Variants in PTPRU observed in about 807,000 individuals in gnomAD.
PTPRU encodes the protein protein tyrosine phosphatase receptor type U, also known as receptor-type tyrosine-protein phosphatase U.
Under a neutral mutation model 166.3 loss-of-function variants are expected in PTPRU, and 69 were observed. That is an observed-to-expected ratio of 0.41 (90% CI 0.34 to 0.51). The LOEUF is 0.51. PTPRU is among the 20% of genes least tolerant of loss of function. The pLI is 0.09. For synonymous variants in PTPRU, 793 were observed against 814.0 expected (o/e 0.97, Z 0.44); for missense variants, 1,657 against 2,013.7 (o/e 0.82, Z 3.39).
At position 29,305,409 on chromosome 1, in the gene PTPRU, T is replaced by A. The variant is rs768435626; in HGVS notation, c.2801T>A (p.Ile934Asn). 15 of 1,613,892 alleles carry A rather than the reference T, an allele frequency of 9.3e-6. No homozygotes were observed. In the East Asian group the frequency reaches 2.5e-4, roughly 26 times the overall value. Reference protein sequence around the residue: ...PMLGDPNADYINANYIDGYHR... With the variant: ...PMLGDPNADYNNANYIDGYHR... ...CTGGGAGACCCCAATGCCGACTACA[T>A]TAATGCCAACTACATAGATGTGAGT... The change falls in exon 18 of 30, where the codon ATT (isoleucine) becomes AAT (asparagine). Residue 934 changes from isoleucine to asparagine, a missense_variant. Ile to Asn is a moderately radical substitution (Grantham distance 149). Transcript: ENST00000373779.
rs1245853977 is a variant in PTPRU at position 29,259,528 on chromosome 1, G to T, written c.639G>T (p.Ala213=). Residue 213 remains alanine, a synonymous_variant, in exon 5 of 30, where the codon GCG becomes GCT. Coordinates refer to ENST00000373779, the MANE Select transcript of PTPRU (RefSeq NM_133178.4). ...GQNASFQCMA[A]GRAAEAERFL... is the part of the protein sequence containing the mutation. ...ACGCGTCGTTCCAGTGCATGGCCGC[G>T]GGCAGAGCGGCCGAGGCCGAACGCT... 6.2e-7 allele frequency: 1 copy of T among 1,608,886 alleles called. No homozygotes were observed. Among genetic ancestry groups the T allele is most frequent in the East Asian group, 2.2e-5 (1 of 44,696 alleles).
rs768549361 is a variant in PTPRU, at chr1:29,259,256, C to T, written c.478-5C>T. On this transcript the variant is annotated splice_polypyrimidine_tract_variant and splice_region_variant and intron_variant, in intron 3 of 29. Coordinates refer to ENST00000373779, the MANE Select transcript of PTPRU (RefSeq NM_133178.4). ...GTATGATAGGGGCCCTCCCGCCTCCCCCAGGTGCTGTTTGAGGCCCTCATC... is the reference window on the plus strand; with the variant it reads ...GTATGATAGGGGCCCTCCCGCCTCCTCCAGGTGCTGTTTGAGGCCCTCATC... 6.2e-7 allele frequency: 1 copy of T among 1,612,808 alleles called. No homozygotes were observed. The highest frequency in any genetic ancestry group is 1.1e-5 in the South Asian group (1 of 91,000).
chr1:29,262,461 C>G (rs1685111980), intron 7 of PTPRU, among the ~76,000 whole-genome samples: 1 of 152,098 alleles, frequency 6.6e-6, no homozygotes, highest in South Asian at 2.1e-4. Flanking sequence ...GAGTACAATA[C>G]AATAAGATAT....
chr1:29,299,479 A>G lies in PTPRU; in HGVS notation c.2477-4376A>G, dbSNP rs1015014108. ...ATTGGAGGGTCCTTTTGGGAACATC[A>G]TCATCCCTTCCTTTCCTGGTGGTCT... On this transcript the variant is annotated intron_variant, in intron 15 of 29. Coordinates refer to ENST00000373779, the MANE Select transcript of PTPRU (RefSeq NM_133178.4). Among the ~76,000 whole-genome samples, 23 of 152,210 alleles carry G rather than the reference A, an allele frequency of 1.5e-4. 1 individual carries two copies. The highest frequency in any genetic ancestry group is 2.9e-5 in the Non-Finnish European group (2 of 68,034).
At position 29,258,738 on chromosome 1, in the gene PTPRU, G is replaced by A. The variant is rs1273106178; in HGVS notation, c.439G>A (p.Glu147Lys). ...GSHGRQWHQA[E>K]LAVSTFWPNE... ...CCACGGCCGTCAGTGGCACCAGGCT[G>A]AGCTGGCTGTCAGCACTTTCTGGCC... The change falls in exon 3 of 30, where the codon GAG becomes AAG. Residue 147 changes from glutamate (E) to lysine (K), a missense_variant. By Grantham distance (56) the Glu-to-Lys change is moderately conservative (BLOSUM62 1). Coordinates refer to ENST00000373779, the MANE Select transcript of PTPRU (RefSeq NM_133178.4). 1 of 1,601,008 alleles carries A rather than the reference G, an allele frequency of 6.2e-7. No homozygotes were observed. Among genetic ancestry groups the A allele is most frequent in the Non-Finnish European group, 8.5e-7 (1 of 1,172,580 alleles).
In PTPRU at chr1:29,282,478, C is replaced by T. The variant is rs145264284; in HGVS notation, c.1869-198C>T. 2.0e-3 allele frequency among the ~76,000 whole-genome samples: 298 copies of T among 152,298 alleles called. 2 individuals are homozygous for T. Among genetic ancestry groups the T allele is most frequent in the Middle Eastern group, 6.8e-3 (2 of 294 alleles). On this transcript the variant is annotated intron_variant, in intron 11 of 29. Transcript: ENST00000373779. ...TCTTCCCATCTATCTTCTGAACAGT[C>T]TTGCAATTACTCCCATTTTATGGAG...
At chr1:29,314,838 C>T (rs919897270) in intron 22 of PTPRU, among the ~76,000 whole-genome samples, 3 of 152,282 alleles carry the variant, frequency 2.0e-5, no homozygotes, top group Non-Finnish European at 2.9e-5. Context: ...TTCGGCCTCC[C>T]AGAGTGCTGG....
intron 15 of PTPRU, 54 bp downstream of exon 15, chr1:29,292,080 A>T: frequency 6.3e-7 from 1 of 1,598,900 alleles, no homozygotes. Flanking sequence ...TCCCAACCTG[A>T]GACAATAGGG....
chr1:29,277,803 C>CTTGTTTTTTTTT (rs1685875230), intron 8 of PTPRU, among the ~76,000 whole-genome samples: 1 of 50,564 alleles, frequency 2.0e-5, no homozygotes, highest in Non-Finnish European at 3.3e-5. Flanking sequence ...AGTTGTCATT[C>CTTGTTTTTTTTT]TTTTTTTTTT....
At chr1:29,305,256 C>A in intron 17 of PTPRU, 96 bp from the exon 18 acceptor site, 1 of 1,220,332 alleles carries the variant, frequency 8.2e-7, no homozygotes, top group Non-Finnish European at 1.2e-6. Flanking sequence ...GGCTGCCCTG[C>A]CTGTGCCCTA....
At chr1:29,293,666 G>C (rs530290177) in intron 15 of PTPRU, among the ~76,000 whole-genome samples, 49 of 150,898 alleles carry the variant, frequency 3.2e-4, no homozygotes, top group Non-Finnish European at 6.3e-4. Flanking sequence ...AATAGAGACG[G>C]GATTTCACCG....
intron 1 of PTPRU, among the ~76,000 whole-genome samples, chr1:29,252,906 C>T (rs1180528154): frequency 6.6e-6 from 1 of 152,212 alleles, no homozygotes; most frequent in African/African-American, 2.4e-5. Flanking sequence ...TCAGTTCTAG[C>T]ACAAGAGTCA....
chr1:29,313,041 C>T (rs962173621), intron 22 of PTPRU, among the ~76,000 whole-genome samples: 6 of 152,178 alleles, frequency 3.9e-5, no homozygotes, highest in Admixed American at 2.0e-4. Flanking sequence ...GCACACCTGC[C>T]GCGTGCTAGG....
intron 2 of PTPRU, 73 bp from the exon 3 acceptor site, chr1:29,258,432 T>C: frequency 6.6e-7 from 1 of 1,513,886 alleles, no homozygotes; most frequent in Non-Finnish European, 9.0e-7. Context: ...TCCTCCTCAG[T>C]GCTCCCCTTG....
At chr1:29,321,196 A>ATTT (rs71025210) in intron 26 of PTPRU, among the ~76,000 whole-genome samples, 2 of 100,396 alleles carry the variant, frequency 2.0e-5, no homozygotes, top group African/African-American at 3.9e-5. Flanking sequence ...CAGCTGTCTG[A>ATTT]TTTTTTTTTT....
Position 29,284,720 on chromosome 1 carries a change from G to A in PTPRU, c.2180-11G>A. On this transcript the variant is annotated splice_polypyrimidine_tract_variant and intron_variant, in intron 13 of 29. Coordinates refer to ENST00000373779, the MANE Select transcript of PTPRU (RefSeq NM_133178.4). The stretch of plus-strand genomic sequence containing the variant: ...TTCCTCTGATCCCTTGTTCTGCTTT[G>A]TTCTCCCCAGCTGCCTGCAAGGAAA... 3 of 1,614,032 alleles carry A rather than the reference G, an allele frequency of 1.9e-6. No homozygotes were observed. In the South Asian group the frequency reaches 3.3e-5, roughly 18 times the overall value.
chr1:29,293,227 C>T (rs577013103), intron 15 of PTPRU, among the ~76,000 whole-genome samples: 2 of 152,324 alleles, frequency 1.3e-5, no homozygotes, highest in African/African-American at 4.8e-5. Flanking sequence ...ATCCACCCAC[C>T]TTGGCCTCCC....
rs1242934034 is a variant in PTPRU at position 29,238,897 on chromosome 1, T to C, written c.73+2180T>C. The stretch of plus-strand genomic sequence containing the variant: ...GGCCTAGAGCAGGTTACTCCCATTC[T>C]TGATGCCTCAGTTTCCTCTTCTGCC... On this transcript the variant is annotated intron_variant, in intron 1 of 29. Coordinates refer to ENST00000373779, the MANE Select transcript of PTPRU (RefSeq NM_133178.4). The surrounding 1 kb of genome is among the most constrained non-coding windows in gnomAD (Gnocchi z 6.1). 2.6e-5 allele frequency among the ~76,000 whole-genome samples: 4 copies of C among 152,244 alleles called. No individual in the cohort carries two copies. The highest frequency in any genetic ancestry group is 5.9e-5 in the Non-Finnish European group (4 of 68,042).
At chr1:29,290,340 C>T (rs1404216152) in intron 14 of PTPRU, among the ~76,000 whole-genome samples, 2 of 152,224 alleles carry the variant, frequency 1.3e-5, no homozygotes, top group Non-Finnish European at 2.9e-5. Flanking sequence ...TTATCACTCC[C>T]ACTTTACTGA....
Sources: allele counts gnomAD v4.1 joint callset (sites outside exome capture counted in the v4.1 genomes callset), GRCh38; gene constraint gnomAD v4.1.1; non-coding constraint Gnocchi (gnomAD v3.1); transcripts MANE v1.5; gene names NCBI Gene and HGNC (gene_info 2026-07-23, HGNC 2026-07-21).